Variants in LRRC27 observed in about 807,000 individuals in gnomAD.
The protein encoded by LRRC27 is leucine-rich repeat-containing protein 27.
LRRC27 carries 57 observed loss-of-function variants against 55.0 expected under a neutral mutation model. The ratio of observed to expected loss-of-function variants is 1.04; its 90% CI spans 0.84 to 1.29. LRRC27 has a LOEUF of 1.29. Ranked by LOEUF, LRRC27 falls within the 50% of genes most tolerant of loss-of-function variation. The pLI is 0.00. For synonymous variants in LRRC27, 278 were observed against 251.9 expected, an observed-to-expected ratio of 1.10 and a Z score of -0.98; for missense variants, 721 against 651.5, an observed-to-expected ratio of 1.11 and a Z score of -1.16.
Position 132,351,681 on chromosome 10 carries a change from G to T in LRRC27, c.1001G>T (p.Arg334Ile). 6.2e-7 allele frequency: 1 copy of T among 1,614,052 alleles called. No homozygotes were observed. The highest frequency in any genetic ancestry group is 2.2e-5 in the East Asian group (1 of 44,874). The stretch of plus-strand genomic sequence containing the variant: ...TACCAAATGGCGATCCGAGCAAAAA[G>T]ACTGGAAGAGAGCCGAGCGGCGGCG... The part of the protein sequence containing the change: ...SPYQMAIRAK[R>I]LEESRAAALR... The change falls in exon 7 of 11, where the codon AGA becomes ATA. Residue 334 changes from arginine (R) to isoleucine (I), a missense_variant. Transcript: ENST00000368614.
At chr10:132,359,508 C>A (rs1179911536) in intron 8 of LRRC27, among the ~76,000 whole-genome samples, 3 of 152,236 alleles carry the variant, frequency 2.0e-5, no homozygotes, top group Non-Finnish European at 4.4e-5. Flanking sequence ...CTGGGTGGAT[C>A]CCACTGGACA....
At chr10:132,345,894 T>C (rs1270479177) in intron 5 of LRRC27, among the ~76,000 whole-genome samples, 1 of 152,248 alleles carries the variant, frequency 6.6e-6, no homozygotes, top group African/African-American at 2.4e-5. Context: ...CTGGATGTGA[T>C]GCTTCATCCT....
chr10:132,331,682 C>G, upstream of LRRC27: 1 of 1,612,796 alleles, frequency 6.2e-7, no homozygotes, highest in East Asian at 2.2e-5. Context: ...CTCGGCTGTC[C>G]TCGAGCAGCC....
chr10:132,375,116 G>A lies in LRRC27; in HGVS notation c.1467G>A (p.Leu489=). The change falls in exon 11 of 11, where the codon TTG becomes TTA. Residue 489 remains leucine (L), a synonymous_variant. Coordinates refer to ENST00000368614, the MANE Select transcript of LRRC27 (RefSeq NM_030626.3). ...TGAAGCTAAAATTGGGATTAACCTT[G>A]AACAAAGATCGTCGACGGGCGGCCC... ...EVLKLKLGLT[L]NKDRRRAALT... 6.2e-7 allele frequency: 1 copy of A among 1,614,032 alleles called. No individual in the cohort carries two copies. The highest frequency in any genetic ancestry group is 8.5e-7 in the Non-Finnish European group (1 of 1,179,954).
chr10:132,330,763 G>A (rs187158198), upstream of LRRC27, among the ~76,000 whole-genome samples: 18 of 149,964 alleles, frequency 1.2e-4, no homozygotes, highest in African/African-American at 4.4e-4. Context: ...TCCCACCCTG[G>A]CCTCCCAAAG....
intron 4 of LRRC27, 122 bp downstream of exon 4, chr10:132,342,393 A>G (rs1039313844): frequency 4.7e-6 from 3 of 643,826 alleles, no homozygotes; most frequent in African/African-American, 1.8e-5. Context: ...AATCCTTCCT[A>G]CTTCTAGGAC....
At position 132,348,800 on chromosome 10, in the gene LRRC27, GAA is replaced by G. The variant is rs2067853495; in HGVS notation, c.926+447_926+448del. 6.6e-6 allele frequency among the ~76,000 whole-genome samples: 1 copy of G among 152,232 alleles called. No homozygotes were observed. The highest frequency in any genetic ancestry group is 1.9e-4 in the East Asian group (1 of 5,204). ...CTCACTGAATCCACATTTTACCTGT[GAA>G]AAGAGAGGAGTTGGGGGAAAGGTCA... On this transcript the variant is annotated intron_variant, in intron 6 of 10. Transcript: ENST00000368614. This position sits in a 1 kb window ranked among gnomAD's most constrained non-coding sequence, Gnocchi z 4.2.
At position 132,342,230 on chromosome 10, in the gene LRRC27, T is replaced by G; in HGVS notation, c.359T>G (p.Leu120Arg). 6.4e-7 allele frequency: 1 copy of G among 1,554,450 alleles called. No homozygotes were observed. Among genetic ancestry groups the G allele is most frequent in the Non-Finnish European group, 8.7e-7 (1 of 1,148,716 alleles). Residue 120 changes from leucine to arginine, a missense_variant, in exon 4 of 11, where the codon CTT becomes CGT. Coordinates refer to ENST00000368614, the MANE Select transcript of LRRC27 (RefSeq NM_030626.3). ...IGAHQHLKTL[L>R]LERNPIKMLP... is the part of the protein sequence containing the mutation. ...CTTTAAAGGCATTTGAAAACTTTGC[T>G]TTTAGAAAGAAATCCTATCAAAATG...
chr10:132,342,483 G>C (rs1187496058), intron 4 of LRRC27, among the ~76,000 whole-genome samples: 1 of 152,176 alleles, frequency 6.6e-6, no homozygotes, highest in Non-Finnish European at 1.5e-5. Flanking sequence ...CCTTGTGTGA[G>C]GCACAGTCAC....
At chr10:132,355,928 C>CG in intron 8 of LRRC27, 42 bp downstream of exon 8, 1 of 1,389,394 alleles carries the variant, frequency 7.2e-7, no homozygotes, top group East Asian at 2.5e-5. Context: ...AGTCCAGTCC[C>CG]GGGGGTGGGT....
chr10:132,359,482 C>T (rs2068510161), intron 8 of LRRC27, among the ~76,000 whole-genome samples: 1 of 152,232 alleles, frequency 6.6e-6, no homozygotes, highest in Non-Finnish European at 1.5e-5. Flanking sequence ...GGCGCCACGG[C>T]CTTGGGTGGC....
Position 132,379,642 on chromosome 10 carries a change from T to G in LRRC27, c.*4400T>G, listed in dbSNP as rs986427513. Reference sequence around the variant, plus strand: ...TTGTGTTTTTCAGGTCTAAGGTGTCTGGTAATTTTTTGTGGATGCCGATTC... The same window carrying G: ...TTGTGTTTTTCAGGTCTAAGGTGTCGGGTAATTTTTTGTGGATGCCGATTC... On this transcript the variant is annotated 3_prime_UTR_variant, in exon 11 of 11. Coordinates refer to ENST00000368614, the MANE Select transcript of LRRC27 (RefSeq NM_030626.3). 1 of 152,230 alleles carries G rather than the reference T, an allele frequency of 6.6e-6. No individual in the cohort carries two copies. The highest frequency in any genetic ancestry group is 2.4e-5 in the African/African-American group (1 of 41,458). The allele number at this position is 152,230 out of a possible 1,614,324, so 9.4% of individuals were successfully genotyped here.
In LRRC27 at chr10:132,351,623, T is replaced by C. The variant is rs1199626764; in HGVS notation, c.943T>C (p.Ser315Pro). ...RHVFRRKTAS[S>P]RSILPDLLSP... The stretch of plus-strand genomic sequence containing the variant: ...TAATTTTAGAAGGAAGACAGCCTCC[T>C]CCAGGAGCATCTTACCCGACCTCTT... The change falls in exon 7 of 11, where the codon TCC becomes CCC. Residue 315 changes from serine (S) to proline (P), a missense_variant. Transcript: ENST00000368614. 6.2e-7 allele frequency: 1 copy of C among 1,613,744 alleles called. No individual in the cohort carries two copies. Among genetic ancestry groups the C allele is most frequent in the Admixed American group, 1.7e-5 (1 of 59,868 alleles).
rs367967677 is a variant in LRRC27, at chr10:132,346,167, C to T, written c.553+1517C>T. ...GGTAGGCTCATGGGGGCAGCAGCCT[C>T]GGGGGCCAGGCACCAGCGGCTGCTG... is the stretch of plus-strand genomic sequence containing the variant. On this transcript the variant is annotated intron_variant, in intron 5 of 10. Transcript: ENST00000368614. Among the ~76,000 whole-genome samples the T allele has an allele frequency of 1.8e-4, 27 of 152,220 alleles. 1 individual carries two copies. The East Asian group carries it at 5.0e-3, about 28-fold the overall frequency.
At chr10:132,335,971 A>G (rs1002596147) in intron 2 of LRRC27, among the ~76,000 whole-genome samples, 1 of 152,174 alleles carries the variant, frequency 6.6e-6, no homozygotes, top group African/African-American at 2.4e-5. Context: ...CGGCTATCCA[A>G]GTAGGGGCCT....
intron 7 of LRRC27, among the ~76,000 whole-genome samples, chr10:132,354,297 G>C (rs1440682890): frequency 6.6e-6 from 1 of 152,206 alleles, no homozygotes; most frequent in East Asian, 1.9e-4. Flanking sequence ...CTCCTAGTGA[G>C]CAGCTCGGCA....
chr10:132,343,432 A>G (rs1282625698), intron 4 of LRRC27, among the ~76,000 whole-genome samples: 2 of 152,270 alleles, frequency 1.3e-5, no homozygotes, highest in African/African-American at 2.4e-5. Flanking sequence ...TAGAGAAAAC[A>G]GAATAGCAAA....
intron 2 of LRRC27, chr10:132,336,784 A>G: frequency 1.3e-6 from 1 of 772,802 alleles, no homozygotes; most frequent in Non-Finnish European, 2.4e-6. Context: ...ATCTGTTTCT[A>G]CTCCCTCAGG....
chr10:132,364,812 A>G (rs2068963881), intron 9 of LRRC27, among the ~76,000 whole-genome samples: 1 of 121,902 alleles, frequency 8.2e-6, no homozygotes, highest in Non-Finnish European at 1.8e-5. Flanking sequence ...CCACACTTAC[A>G]CCCACCCTTA....
Sources: allele counts gnomAD v4.1 joint callset (sites outside exome capture counted in the v4.1 genomes callset), GRCh38; gene constraint gnomAD v4.1.1; non-coding constraint Gnocchi (gnomAD v3.1); transcripts MANE v1.5; gene names NCBI Gene and HGNC (gene_info 2026-07-23, HGNC 2026-07-21).